The following ABI2 variants were observed in gnomAD, a reference collection of about 807,000 sequenced individuals.
ABI2 encodes abl interactor 2, also known as abelson interactor 2.
ABI2 carries 25 observed loss-of-function variants against 59.2 expected under a neutral mutation model. The observed-to-expected ratio is 0.42, with a 90% CI of 0.31 to 0.59. The LOEUF is 0.59. Ranked by LOEUF, ABI2 falls within the 20% of genes least tolerant of loss-of-function variation. The pLI is 0.14. For missense variants in ABI2, 545 were observed against 681.8 expected (o/e 0.80, Z 2.23); for synonymous variants, 213 against 235.5 (o/e 0.90, Z 0.87).
At chr2:203,378,839 C>T (rs1325022018) in intron 2 of ABI2, among the ~76,000 whole-genome samples, 2 of 151,952 alleles carry the variant, frequency 1.3e-5, no homozygotes, top group Non-Finnish European at 2.9e-5. Flanking sequence ...CTTTTGACTG[C>T]GACACACAGG....
chr2:203,413,771 T>C (rs780475664), intron 10 of ABI2, among the ~76,000 whole-genome samples: 1 of 152,232 alleles, frequency 6.6e-6, no homozygotes, highest in Admixed American at 6.5e-5. Context: ...GATAATTCTT[T>C]GGAATTATCT....
chr2:203,426,834 A>G (rs2153614605), intron 11 of ABI2, among the ~76,000 whole-genome samples: 1 of 151,818 alleles, frequency 6.6e-6, no homozygotes, highest in African/African-American at 2.4e-5. Flanking sequence ...CACAAACTCA[A>G]ATGAAGAAAC....
At chr2:203,362,394 G>A (rs572132646) in intron 1 of ABI2, among the ~76,000 whole-genome samples, 1 of 152,214 alleles carries the variant, frequency 6.6e-6, no homozygotes, top group South Asian at 2.1e-4. Flanking sequence ...TTGTTTGGAC[G>A]TTCTGGGGGT....
rs2098463249 is a variant in ABI2 at position 203,429,159 on chromosome 2, TG to T, written c.*1808del. The stretch of plus-strand genomic sequence containing the variant: ...TGCTTTTAGATTTTTCCCAGCACTT[TG>T]TATTTATTAGCTTTCATTAACTTGC... On this transcript the variant is annotated 3_prime_UTR_variant, in exon 12 of 12. Transcript: ENST00000261018. 6.6e-6 allele frequency: 1 copy of T among 152,244 alleles called. No homozygotes were observed. The highest frequency in any genetic ancestry group is 1.5e-5 in the Non-Finnish European group (1 of 68,042). 9.4% of individuals were successfully genotyped at this position (152,244 alleles called of 1,614,324 possible). A position where few individuals can be genotyped will look rare whatever the true frequency, so the allele number is the denominator to read the frequency against.
At chr2:203,371,042 G>C (rs1006891611) in intron 2 of ABI2, among the ~76,000 whole-genome samples, 1 of 152,218 alleles carries the variant, frequency 6.6e-6, no homozygotes, top group African/African-American at 2.4e-5. Context: ...CTGCTGACTT[G>C]TGTGACATTT....
intron 1 of ABI2, among the ~76,000 whole-genome samples, chr2:203,353,819 T>C (rs542349360): frequency 3.3e-4 from 50 of 152,272 alleles, no homozygotes; most frequent in South Asian, 8.3e-4. Context: ...TAAACTCTTA[T>C]CTGTTTCTTC....
chr2:203,413,360 A>T (rs2097758502), intron 10 of ABI2, among the ~76,000 whole-genome samples: 1 of 152,212 alleles, frequency 6.6e-6, no homozygotes, highest in South Asian at 2.1e-4. Context: ...GAAACAGCAA[A>T]ATGTTTCATG....
intron 9 of ABI2, among the ~76,000 whole-genome samples, chr2:203,404,067 T>C (rs1188158504): frequency 6.6e-6 from 1 of 152,138 alleles, no homozygotes; most frequent in Non-Finnish European, 1.5e-5. Context: ...TTCCATGTTC[T>C]TTCTATTGTC....
At chr2:203,382,261 T>C in intron 4 of ABI2, 55 bp downstream of exon 4, 2 of 1,397,728 alleles carry the variant, frequency 1.4e-6, no homozygotes, top group Non-Finnish European at 1.9e-6. Flanking sequence ...GAATATTACA[T>C]ATGGGGAGTT....
At chr2:203,399,520 G>A (rs544253490) in intron 8 of ABI2, among the ~76,000 whole-genome samples, 13 of 151,946 alleles carry the variant, frequency 8.6e-5, no homozygotes, top group Admixed American at 2.6e-4. Flanking sequence ...TTGGCGGGGG[G>A]AGGAGGGGCG....
intron 11 of ABI2, among the ~76,000 whole-genome samples, chr2:203,419,368 G>T (rs2098085473): frequency 6.7e-6 from 1 of 148,262 alleles, no homozygotes; most frequent in Non-Finnish European, 1.5e-5. Context: ...AAAGTGCTGG[G>T]ATTACAGGCG....
At chr2:203,387,313 C>G (rs955081544) in intron 4 of ABI2, among the ~76,000 whole-genome samples, 24 of 151,992 alleles carry the variant, frequency 1.6e-4, no homozygotes, top group African/African-American at 5.6e-4. Flanking sequence ...TTGAATGTAC[C>G]AAAGAAGGTA....
chr2:203,332,293 TG>T (rs1480734933), intron 1 of ABI2, among the ~76,000 whole-genome samples: 1 of 152,136 alleles, frequency 6.6e-6, no homozygotes, highest in Admixed American at 6.6e-5. Context: ...GACTTTTTTT[TG>T]AGATACATGT....
At chr2:203,375,087 T>A (rs2095591744) in intron 2 of ABI2, among the ~76,000 whole-genome samples, 1 of 152,182 alleles carries the variant, frequency 6.6e-6, no homozygotes, top group Admixed American at 6.5e-5. Flanking sequence ...GAACCTGGGT[T>A]TGGCACTGTG....
At chr2:203,330,095 C>G (rs989076077) in intron 1 of ABI2, among the ~76,000 whole-genome samples, 3 of 152,196 alleles carry the variant, frequency 2.0e-5, no homozygotes, top group African/African-American at 7.2e-5. Flanking sequence ...ACAGGTGTTA[C>G]AATTTTATAG....
At chr2:203,337,317 A>G (rs974575781) in intron 1 of ABI2, among the ~76,000 whole-genome samples, 1 of 152,246 alleles carries the variant, frequency 6.6e-6, no homozygotes, top group Non-Finnish European at 1.5e-5. Flanking sequence ...GACAAGATCA[A>G]CATACAAAAA....
In ABI2 at chr2:203,402,599, A is replaced by G; in HGVS notation, c.1057A>G (p.Met353Val). ...AGGTCATCCTGTACAGTTCTACAGC[A>G]TGAATAGGCCTGCCTCTCGCCATAC... ...PTGHPVQFYSMNRPASRHTPP... is the reference protein window; with the variant it reads ...PTGHPVQFYSVNRPASRHTPP... Residue 353 changes from methionine to valine, a missense_variant, in exon 9 of 12, where the codon ATG becomes GTG. Around this residue, in one of 4 missense-constraint regions of ABI2, gnomAD observed 410 missense variants for 435.6 expected, o/e 0.94. Coordinates refer to ENST00000261018, the MANE Select transcript of ABI2 (RefSeq NM_001375670.1). The G allele has an allele frequency of 6.3e-7, 1 of 1,589,188 alleles. No homozygotes were observed. Among genetic ancestry groups the G allele is most frequent in the Non-Finnish European group, 8.5e-7 (1 of 1,171,606 alleles).
At chr2:203,426,804 AC>A (rs770245720) in intron 11 of ABI2, among the ~76,000 whole-genome samples, 2,584 of 128,516 alleles carry the variant, frequency 0.02, 32 homozygotes, top group Non-Finnish European at 0.028. Flanking sequence ...AAAAAAAAAA[AC>A]CACAATATGG....
intron 11 of ABI2, among the ~76,000 whole-genome samples, chr2:203,423,581 A>C (rs1043486128): frequency 2.6e-5 from 4 of 152,182 alleles, no homozygotes; most frequent in African/African-American, 9.7e-5. Context: ...GCCGGCCACC[A>C]TGCCTGCTAA....
Sources: gnomAD v4.1 joint callset for allele counts (sites outside exome capture counted in the v4.1 genomes callset) on GRCh38, gnomAD v4.1.1 for gene constraint, gnomAD v4.1.1 regional missense constraint, MANE v1.5 for transcripts, NCBI Gene and HGNC (gene_info 2026-07-23, HGNC 2026-07-21) for gene names.